The following PCDH9 variants were observed in gnomAD, a reference collection of about 807,000 sequenced individuals.
PCDH9 encodes protocadherin 9.
In PCDH9, 24 loss-of-function variants were observed where a neutral mutation model predicts 70.6. The observed-to-expected ratio is 0.34, with a 90% CI of 0.25 to 0.48. The LOEUF (loss-of-function observed/expected upper bound fraction) is 0.48, where lower values mean the gene tolerates loss of function less well. Among genes scored for constraint, PCDH9 ranks in the 20% least tolerant of loss-of-function variants. The pLI is 0.99. For synonymous variants in PCDH9, 562 were observed against 558.5 expected, an observed-to-expected ratio of 1.01 and a Z score of -0.09; for missense variants, 1,281 against 1,503.6, an observed-to-expected ratio of 0.85 and a Z score of 2.45.
intron 3 of PCDH9, among the ~76,000 whole-genome samples, chr13:66,872,184 G>A (rs2081704832): frequency 6.6e-6 from 1 of 152,072 alleles, no homozygotes; most frequent in Non-Finnish European, 1.5e-5. Flanking sequence ...CTGATATATT[G>A]TAGATCTTTG....
chr13:66,334,647 C>A (rs994420669), intron 4 of PCDH9, among the ~76,000 whole-genome samples: 1 of 151,942 alleles, frequency 6.6e-6, no homozygotes, highest in African/African-American at 2.4e-5. Flanking sequence ...CTAACTCTTA[C>A]AATAAGTATG....
intron 4 of PCDH9, among the ~76,000 whole-genome samples, chr13:66,561,549 G>C (rs571549911): frequency 6.6e-6 from 1 of 152,128 alleles, no homozygotes; most frequent in Non-Finnish European, 1.5e-5. Flanking sequence ...TACATCAATC[G>C]GCACTCTGTA....
At chr13:66,617,169 G>A (rs568249318) in intron 4 of PCDH9, among the ~76,000 whole-genome samples, 7 of 152,244 alleles carry the variant, frequency 4.6e-5, no homozygotes, top group South Asian at 4.2e-4. Context: ...TTCTCTAGGC[G>A]CCCCCTGATT....
In PCDH9 at chr13:66,387,075, C is replaced by T. The variant is rs143074465; in HGVS notation, c.3341-82047G>A. On this transcript the variant is annotated intron_variant, in intron 4 of 4. Transcript: ENST00000377865. The stretch of plus-strand genomic sequence containing the variant: ...TCTTCTACACTCTAAGGATAATATA[C>T]CAGTTTTGAGAAATGGTCTTCATGA... Among the ~76,000 whole-genome samples, 283 of 152,218 alleles carry T rather than the reference C, an allele frequency of 1.9e-3. 1 individual carries two copies. The highest frequency in any genetic ancestry group is 6.5e-3 in the African/African-American group (268 of 41,546).
At chr13:66,713,885 A>G (rs1454591434) in intron 3 of PCDH9, among the ~76,000 whole-genome samples, 1 of 151,918 alleles carries the variant, frequency 6.6e-6, no homozygotes, top group Non-Finnish European at 1.5e-5. Context: ...CTCATATCCC[A>G]CCACATCTCT....
chr13:66,576,985 A>C (rs951574362), intron 4 of PCDH9, among the ~76,000 whole-genome samples: 2 of 152,100 alleles, frequency 1.3e-5, no homozygotes, highest in African/African-American at 4.8e-5. Flanking sequence ...ATACAAATAC[A>C]TATAATTATG....
chr13:66,659,680 T>A (rs1472202882), intron 3 of PCDH9, among the ~76,000 whole-genome samples: 1 of 152,088 alleles, frequency 6.6e-6, no homozygotes, highest in Non-Finnish European at 1.5e-5. Flanking sequence ...TTAAACATTT[T>A]TTTTTTCTGT....
chr13:67,114,772 A>G (rs867919156), intron 2 of PCDH9, among the ~76,000 whole-genome samples: 19 of 152,248 alleles, frequency 1.2e-4, no homozygotes, highest in African/African-American at 3.9e-4. Context: ...TAGAAAGTCA[A>G]TAACAAATGT....
At chr13:66,518,658 G>C (rs567813067) in intron 4 of PCDH9, among the ~76,000 whole-genome samples, 2 of 152,092 alleles carry the variant, frequency 1.3e-5, no homozygotes, top group African/African-American at 4.8e-5. Context: ...ATGAGAAAAC[G>C]CCCGAGGTTT....
intron 3 of PCDH9, among the ~76,000 whole-genome samples, chr13:66,773,127 T>C (rs2079834761): frequency 1.3e-5 from 2 of 152,216 alleles, no homozygotes; most frequent in African/African-American, 4.8e-5. Flanking sequence ...GTGTCTTTCA[T>C]GTATAACTGT....
At chr13:66,585,878 G>A (rs1375281362) in intron 4 of PCDH9, among the ~76,000 whole-genome samples, 2 of 152,090 alleles carry the variant, frequency 1.3e-5, no homozygotes, top group African/African-American at 4.8e-5. Flanking sequence ...TTTGACCTAA[G>A]ACAAAGAGAC....
intron 4 of PCDH9, among the ~76,000 whole-genome samples, chr13:66,449,144 A>G (rs1427138507): frequency 6.6e-6 from 1 of 152,178 alleles, no homozygotes; most frequent in African/African-American, 2.4e-5. Context: ...CCAAAGAAAG[A>G]AAAAAGAAAT....
At chr13:66,448,756 T>C (rs2138421829) in intron 4 of PCDH9, among the ~76,000 whole-genome samples, 1 of 152,280 alleles carries the variant, frequency 6.6e-6, no homozygotes, top group South Asian at 2.1e-4. Context: ...GTAAAAGAAA[T>C]AACTAAAACA....
chr13:66,708,402 A>AC (rs2078744781), intron 3 of PCDH9, among the ~76,000 whole-genome samples: 2 of 88,374 alleles, frequency 2.3e-5, no homozygotes, highest in Non-Finnish European at 4.9e-5. Context: ...TTTGAGATTT[A>AC]GTTTTTTTTT....
chr13:66,930,099 G>C (rs958274920), intron 2 of PCDH9, among the ~76,000 whole-genome samples: 1 of 152,062 alleles, frequency 6.6e-6, no homozygotes, highest in Non-Finnish European at 1.5e-5. Context: ...CCTATGATAG[G>C]ATCTAGCCCT....
At chr13:66,828,428 C>T (rs2080862388) in intron 3 of PCDH9, among the ~76,000 whole-genome samples, 3 of 152,104 alleles carry the variant, frequency 2.0e-5, no homozygotes, top group Admixed American at 1.3e-4. Flanking sequence ...TAGATTTACC[C>T]CCACTTATCC....
intron 2 of PCDH9, among the ~76,000 whole-genome samples, chr13:66,939,593 T>C (rs1033623009): frequency 1.3e-5 from 2 of 152,002 alleles, no homozygotes; most frequent in Admixed American, 6.6e-5. Flanking sequence ...GCTTCCACCA[T>C]ACACTGCCAA....
intron 2 of PCDH9, among the ~76,000 whole-genome samples, chr13:67,169,203 A>C (rs2088208827): frequency 6.6e-6 from 1 of 152,236 alleles, no homozygotes; most frequent in African/African-American, 2.4e-5. Flanking sequence ...TTGATATGAA[A>C]ACCAAGAGTG....
intron 2 of PCDH9, among the ~76,000 whole-genome samples, chr13:67,095,724 A>T (rs2086306370): frequency 6.6e-6 from 1 of 152,142 alleles, no homozygotes; most frequent in Non-Finnish European, 1.5e-5. Context: ...TCACCTTCTG[A>T]GTCTGTCACC....
Sources: gnomAD v4.1 joint callset for allele counts (sites outside exome capture counted in the v4.1 genomes callset) on GRCh38, gnomAD v4.1.1 for gene constraint, MANE v1.5 for transcripts, NCBI Gene and HGNC (gene_info 2026-07-23, HGNC 2026-07-21) for gene names.